HGSNAT: variants seen among roughly 807,000 people sequenced by gnomAD.
HGSNAT encodes heparan-alpha-glucosaminide N-acetyltransferase, also known as transmembrane protein 76.
In HGSNAT, 59 loss-of-function variants were observed where a neutral mutation model predicts 85.2. The ratio of observed to expected loss-of-function variants is 0.69; its 90% confidence interval spans 0.56 to 0.86. The LOEUF (loss-of-function observed/expected upper bound fraction) is 0.86. Among genes scored for constraint, HGSNAT ranks in the 40% least tolerant of loss-of-function variants. The probability of loss-of-function intolerance (pLI) is 0.00; values close to 1 mark genes in which losing one functional copy is unlikely to be tolerated. For synonymous variants in HGSNAT, 321 were observed against 304.5 expected (o/e 1.05, Z -0.56); for missense variants, 756 against 777.1 (o/e 0.97, Z 0.32).
chr8:43,177,237 C>A (rs1377163238), intron 9 of HGSNAT, among the ~76,000 whole-genome samples: 1 of 151,936 alleles, frequency 6.6e-6, no homozygotes, highest in African/African-American at 2.4e-5. Context: ...AATCAGTATT[C>A]TAACTTTTTT....
At position 43,161,622 on chromosome 8, in the gene HGSNAT, T is replaced by C. The variant is rs1803271455; in HGVS notation, c.563+115T>C. The C allele has an allele frequency of 7.6e-6, 5 of 657,428 alleles. No homozygotes were observed. The Admixed American group carries it at 1.7e-4, about 22-fold the overall frequency. 40.7% of individuals were successfully genotyped at this position (657,428 alleles called of 1,614,324 possible). A position where few individuals can be genotyped will look rare whatever the true frequency, so the allele number is the denominator to read the frequency against. On this transcript the variant is annotated intron_variant, in intron 5 of 17. Coordinates refer to ENST00000379644, the MANE Select transcript of HGSNAT (RefSeq NM_152419.3). The stretch of plus-strand genomic sequence containing the variant: ...TTCTTCGATGATATGAACATTTCTG[T>C]GTCCCCCATGTCCATCCAGTGCTAG...
At chr8:43,154,110 G>A (rs1473988465) in intron 2 of HGSNAT, among the ~76,000 whole-genome samples, 1 of 152,054 alleles carries the variant, frequency 6.6e-6, no homozygotes, top group Non-Finnish European at 1.5e-5. Context: ...CCAGGCCAGG[G>A]GGCTGCTTTG....
intron 15 of HGSNAT, 45 bp from the exon 16 acceptor site, chr8:43,197,625 TGA>T: frequency 7.2e-7 from 1 of 1,395,154 alleles, no homozygotes; most frequent in Non-Finnish European, 1.0e-6. Flanking sequence ...AAGTGTTTTC[TGA>T]GATAATAATA....
At chr8:43,171,760 C>T (rs562562923) in intron 7 of HGSNAT, among the ~76,000 whole-genome samples, 3 of 152,326 alleles carry the variant, frequency 2.0e-5, no homozygotes, top group African/African-American at 7.2e-5. Context: ...TATTAAGTGT[C>T]TAAAATATGC....
chr8:43,196,258 T>C (rs1452140829), intron 14 of HGSNAT: 1 of 349,982 alleles, frequency 2.9e-6, no homozygotes, highest in East Asian at 7.6e-5. Context: ...TTGATTAATA[T>C]TAGCTATTAC....
At chr8:43,142,312 TATTGCCCTGGA>T (rs1245882853) in intron 1 of HGSNAT, among the ~76,000 whole-genome samples, 3 of 151,846 alleles carry the variant, frequency 2.0e-5, no homozygotes, top group African/African-American at 7.3e-5. Context: ...GCTCTGGGGG[TATTGCCCTGGA>T]ATTTCTTAGG....
At position 43,158,980 on chromosome 8, in the gene HGSNAT, T is replaced by A; in HGVS notation, c.429T>A (p.His143Gln). The A allele has an allele frequency of 6.2e-7, 1 of 1,613,430 alleles. No individual in the cohort carries two copies. ...ATTCTCTCTTGGTAAAGAACATCCA[T>A]AATGGAGTTAGTGAAATTGCCTGTG... Reference protein sequence around the residue: ...GNYSLLVKNIHNGVSEIACDL... With the variant: ...GNYSLLVKNIQNGVSEIACDL... The change falls in exon 4 of 18, where the codon CAT (histidine) becomes CAA (glutamine). Residue 143 changes from histidine to glutamine, a missense_variant. Coordinates refer to ENST00000379644, the MANE Select transcript of HGSNAT (RefSeq NM_152419.3).
intron 2 of HGSNAT, among the ~76,000 whole-genome samples, chr8:43,157,829 C>G (rs1803139972): frequency 6.6e-6 from 1 of 151,882 alleles, no homozygotes; most frequent in Non-Finnish European, 1.5e-5. Flanking sequence ...ATGTGTAGGT[C>G]TTTTAAAACA....
intron 17 of HGSNAT, 111 bp downstream of exon 17, chr8:43,198,063 G>A (rs1804787761): frequency 1.4e-6 from 1 of 720,414 alleles, no homozygotes; most frequent in Non-Finnish European, 2.3e-6. Context: ...CTAGCGGCAG[G>A]TGTCCAAAAG....
chr8:43,164,612 C>T (rs747841252), intron 5 of HGSNAT, among the ~76,000 whole-genome samples: 1 of 152,070 alleles, frequency 6.6e-6, no homozygotes, highest in African/African-American at 2.4e-5. Context: ...AAACCCCCAT[C>T]TCTACTAAAA....
intron 5 of HGSNAT, among the ~76,000 whole-genome samples, chr8:43,167,317 T>C (rs1169599821): frequency 1.3e-5 from 2 of 152,310 alleles, no homozygotes; most frequent in Middle Eastern, 3.4e-3. Context: ...CAGAGAAATC[T>C]TGTGAAAGGA....
In HGSNAT at chr8:43,158,682, C is replaced by T. The variant is rs184883937; in HGVS notation, c.342C>T (p.Asn114=). Reference sequence around the variant, plus strand: ...AGCACGGATCTATCCTGCAGCTGAACGACACCTTGGAAGAGAAAGAAGTTT... The same window carrying T: ...AGCACGGATCTATCCTGCAGCTGAATGACACCTTGGAAGAGAAAGAAGTTT... ...STQHGSILQL[N]DTLEEKEVCR... The change falls in exon 3 of 18, where the codon AAC becomes AAT. Residue 114 remains asparagine, a synonymous_variant. Coordinates refer to ENST00000379644, the MANE Select transcript of HGSNAT (RefSeq NM_152419.3). The T allele has an allele frequency of 9.4e-4, 1,514 of 1,611,118 alleles. 6 individuals are homozygous for T. The highest frequency in any genetic ancestry group is 1.7e-3 in the Admixed American group (102 of 59,632).
chr8:43,164,894 GAATA>G (rs145778032), intron 5 of HGSNAT, among the ~76,000 whole-genome samples: 3,167 of 152,180 alleles, frequency 0.021, 61 homozygotes, highest in Non-Finnish European at 0.033. Flanking sequence ...GTATCTGAAT[GAATA>G]GAGAGGCCCA....
intron 5 of HGSNAT, among the ~76,000 whole-genome samples, chr8:43,165,044 ATTTTTTTTTTTTT>A (rs1175997527): frequency 1.4e-5 from 1 of 72,032 alleles, no homozygotes; most frequent in Non-Finnish European, 2.8e-5. Context: ...CACCATGATA[ATTTTTTTTTTTTT>A]TTTTTTTTTT....
At chr8:43,191,723 T>G in intron 12 of HGSNAT, 128 bp downstream of exon 12, 1 of 1,178,320 alleles carries the variant, frequency 8.5e-7, no homozygotes, top group Non-Finnish European at 1.2e-6. Flanking sequence ...AGGCCTGCTT[T>G]GCATGGGGAG....
At chr8:43,187,436 T>G (rs908790816) in intron 11 of HGSNAT, among the ~76,000 whole-genome samples, 2 of 152,224 alleles carry the variant, frequency 1.3e-5, no homozygotes, top group African/African-American at 4.8e-5. Flanking sequence ...TGGTTTAAAG[T>G]CTGTTTAATC....
At chr8:43,192,501 A>G in intron 13 of HGSNAT, 71 bp downstream of exon 13, 1 of 1,499,492 alleles carries the variant, frequency 6.7e-7, no homozygotes. Context: ...AGAAAGAGCC[A>G]GCAAACGTTA....
At chr8:43,177,618 G>A (rs909995495) in intron 9 of HGSNAT, among the ~76,000 whole-genome samples, 2 of 150,988 alleles carry the variant, frequency 1.3e-5, no homozygotes, top group African/African-American at 2.4e-5. Context: ...GAAAAGAAAG[G>A]AAATGTGTAT....
intron 11 of HGSNAT, among the ~76,000 whole-genome samples, chr8:43,183,068 A>G (rs1444541672): frequency 6.6e-6 from 1 of 152,236 alleles, no homozygotes; most frequent in Non-Finnish European, 1.5e-5. Flanking sequence ...TGTAACGATC[A>G]AATCAGGGTA....
Sources: gnomAD v4.1 joint callset for allele counts (sites outside exome capture counted in the v4.1 genomes callset) on GRCh38, gnomAD v4.1.1 for gene constraint, MANE v1.5 for transcripts, NCBI Gene and HGNC (gene_info 2026-07-23, HGNC 2026-07-21) for gene names.